The following RBFOX1 variants were observed in gnomAD, a reference collection of about 807,000 sequenced individuals.
RBFOX1 encodes RNA binding fox-1 homolog 1.
RBFOX1 carries 8 observed loss-of-function variants against 57.7 expected under a neutral mutation model. The observed-to-expected ratio is 0.14, with a 90% CI of 0.08 to 0.25. The LOEUF (loss-of-function observed/expected upper bound fraction) is 0.25. Ranked by LOEUF, RBFOX1 falls within the 10% of genes least tolerant of loss-of-function variation. The pLI, the probability that RBFOX1 is intolerant of heterozygous loss-of-function variation, is 1.00. For missense variants in RBFOX1, 611 were observed against 548.5 expected (o/e 1.11, Z -1.14); for synonymous variants, 326 against 222.4 (o/e 1.47, Z -4.15).
At chr16:7,035,427 G>A (rs890677029) in intron 3 of RBFOX1, among the ~76,000 whole-genome samples, 6 of 152,126 alleles carry the variant, frequency 3.9e-5, no homozygotes, top group Non-Finnish European at 8.8e-5. Context: ...CGAATGCACT[G>A]CACACAAAAA....
chr16:6,931,295 GTCTATCTA>G (rs1161231181), intron 3 of RBFOX1, among the ~76,000 whole-genome samples: 2,271 of 136,218 alleles, frequency 0.017, 47 homozygotes, highest in Non-Finnish European at 0.021. Context: ...CTGTCTGTCT[GTCTATCTA>G]TCTATCTATC....
intron 4 of RBFOX1, among the ~76,000 whole-genome samples, chr16:5,908,317 C>T (rs1332733564): frequency 6.9e-6 from 1 of 144,706 alleles, no homozygotes; most frequent in East Asian, 2.0e-4. Context: ...CATATATACA[C>T]ACACACATAT....
intron 4 of RBFOX1, among the ~76,000 whole-genome samples, chr16:7,149,844 C>A (rs770344204): frequency 6.6e-6 from 1 of 152,170 alleles, no homozygotes; most frequent in African/African-American, 2.4e-5. Flanking sequence ...GGCTCCCAGT[C>A]GGAGCACCTC....
At chr16:5,406,189 G>T (rs943220160) in intron 1 of RBFOX1, among the ~76,000 whole-genome samples, 2 of 152,168 alleles carry the variant, frequency 1.3e-5, no homozygotes, top group African/African-American at 4.8e-5. Context: ...ATGATGCCCA[G>T]ATAGCTAGTT....
Position 6,943,185 on chromosome 16 carries a change from C to G in RBFOX1, c.-15-108872C>G, listed in dbSNP as rs117309947. ...GCTCTCCACTCTCCACAGACCTGAG[C>G]TTGGCCAAATGGGAACTGCTTTGCC... On this transcript the variant is annotated intron_variant, in intron 3 of 15. Transcript: ENST00000550418. 6.2e-4 allele frequency among the ~76,000 whole-genome samples: 95 copies of G among 152,298 alleles called. 2 individuals carry two copies. The East Asian group carries it at 0.016, about 25-fold the overall frequency.
chr16:6,049,944 A>C (rs1039722513), intron 1 of RBFOX1, among the ~76,000 whole-genome samples: 1 of 150,772 alleles, frequency 6.6e-6, no homozygotes, highest in African/African-American at 2.4e-5. Flanking sequence ...CTGTTAAAAA[A>C]AAGCTTAAAA....
intron 3 of RBFOX1, among the ~76,000 whole-genome samples, chr16:6,922,025 T>C (rs2074567163): frequency 6.6e-6 from 1 of 152,174 alleles, no homozygotes; most frequent in African/African-American, 2.4e-5. Flanking sequence ...CTATTTAATG[T>C]ATATAACTGC....
At chr16:6,238,349 T>C (rs1476651509) in intron 1 of RBFOX1, among the ~76,000 whole-genome samples, 1 of 152,160 alleles carries the variant, frequency 6.6e-6, no homozygotes, top group Non-Finnish European at 1.5e-5. Flanking sequence ...CTCTATCACA[T>C]TACAGGCGCC....
chr16:6,066,728 C>T (rs2095768535), intron 1 of RBFOX1, among the ~76,000 whole-genome samples: 1 of 152,098 alleles, frequency 6.6e-6, no homozygotes, highest in African/African-American at 2.4e-5. Flanking sequence ...CTGTGCCAAG[C>T]ATTGGCCTTT....
chr16:5,967,617 ACTTCCAATC>A, intron 4 of RBFOX1, among the ~76,000 whole-genome samples: 1 of 152,196 alleles, frequency 6.6e-6, no homozygotes, highest in Admixed American at 6.5e-5. Context: ...TCATACTGAT[ACTTCCAATC>A]CATGTTTTAC....
chr16:7,137,698 G>A (rs890325091), intron 4 of RBFOX1, among the ~76,000 whole-genome samples: 3 of 152,154 alleles, frequency 2.0e-5, no homozygotes, highest in South Asian at 2.1e-4. Flanking sequence ...AGCCTGATAC[G>A]TGACAACAGC....
At chr16:5,542,353 A>G (rs1193974292) in intron 2 of RBFOX1, among the ~76,000 whole-genome samples, 2 of 150,486 alleles carry the variant, frequency 1.3e-5, no homozygotes, top group Non-Finnish European at 2.9e-5. Flanking sequence ...GGTTCAAGCA[A>G]TTCTCCTACC....
intron 4 of RBFOX1, among the ~76,000 whole-genome samples, chr16:5,878,537 C>A (rs889579009): frequency 1.3e-5 from 2 of 152,090 alleles, no homozygotes; most frequent in Non-Finnish European, 2.9e-5. Context: ...TTGAAAACCC[C>A]CTTGGGTTAA....
intron 1 of RBFOX1, among the ~76,000 whole-genome samples, chr16:5,324,525 G>A (rs35305524): frequency 0.19 from 28,988 of 152,002 alleles, 3,781 homozygotes; most frequent in African/African-American, 0.37. Context: ...TACATTATCA[G>A]TATTCACAAT....
chr16:7,657,068 G>A (rs968400679), intron 12 of RBFOX1, among the ~76,000 whole-genome samples: 4 of 152,102 alleles, frequency 2.6e-5, no homozygotes, highest in South Asian at 4.1e-4. Context: ...ACCTAAATCT[G>A]TTCTTCCTGA....
At chr16:7,675,843 C>T (rs1455144037) in intron 13 of RBFOX1, among the ~76,000 whole-genome samples, 2 of 152,160 alleles carry the variant, frequency 1.3e-5, no homozygotes, top group African/African-American at 4.8e-5. Flanking sequence ...CCTGTGTTAT[C>T]AGCGGACACT....
intron 2 of RBFOX1, among the ~76,000 whole-genome samples, chr16:6,471,010 G>T (rs896664329): frequency 6.6e-6 from 1 of 152,100 alleles, no homozygotes; most frequent in Non-Finnish European, 1.5e-5. Flanking sequence ...ACACACGAGG[G>T]TAGCCTTCCT....
At chr16:7,320,650 A>T (rs570781271) in intron 4 of RBFOX1, among the ~76,000 whole-genome samples, 3 of 152,384 alleles carry the variant, frequency 2.0e-5, no homozygotes, top group African/African-American at 7.2e-5. Context: ...AAACTGGGAT[A>T]ATTGAAGGTC....
At chr16:6,682,870 TAAA>T (rs33948007) in intron 3 of RBFOX1, among the ~76,000 whole-genome samples, 1 of 115,818 alleles carries the variant, frequency 8.6e-6, no homozygotes, top group African/African-American at 3.1e-5. Context: ...AGAAAAGAAT[TAAA>T]AAAAAAAAAA....
Sources: allele counts gnomAD v4.1 joint callset (sites outside exome capture counted in the v4.1 genomes callset), GRCh38; gene constraint gnomAD v4.1.1; transcripts MANE v1.5; gene names NCBI Gene and HGNC (gene_info 2026-07-23, HGNC 2026-07-21).